The following GRIA2 variants were observed in gnomAD, a reference collection of about 807,000 sequenced individuals.
GRIA2 encodes glutamate receptor 2.
In GRIA2, 14 loss-of-function variants were observed where a neutral mutation model predicts 97.3. The observed-to-expected ratio is 0.14, with a 90% confidence interval of 0.10 to 0.23. The LOEUF is 0.23. GRIA2 is among the 10% of genes least tolerant of loss of function. The pLI is 1.00. For missense variants in GRIA2, 558 were observed against 1,069.8 expected, an observed-to-expected ratio of 0.52 and a Z score of 6.67; for synonymous variants, 412 against 387.8, an observed-to-expected ratio of 1.06 and a Z score of -0.73.
intron 2 of GRIA2, among the ~76,000 whole-genome samples, chr4:157,297,661 G>A (rs1277209459): frequency 6.6e-6 from 1 of 152,008 alleles, no homozygotes. Flanking sequence ...CTGTTTCTGA[G>A]GTCAGAGCCG....
chr4:157,345,771 G>A (rs1049683002), intron 12 of GRIA2, among the ~76,000 whole-genome samples: 1 of 152,082 alleles, frequency 6.6e-6, no homozygotes, highest in Non-Finnish European at 1.5e-5. Flanking sequence ...TCCTCTGGGA[G>A]GATGAAGGAC....
At chr4:157,327,668 T>C (rs1734865075) in intron 6 of GRIA2, among the ~76,000 whole-genome samples, 1 of 152,148 alleles carries the variant, frequency 6.6e-6, no homozygotes, top group Non-Finnish European at 1.5e-5. Flanking sequence ...TCAACTTTTG[T>C]GTCTTCAGTC....
In GRIA2 at chr4:157,321,500, G is replaced by C. The variant is rs1734563698; in HGVS notation, c.783G>C (p.Gln261His). The C allele has an allele frequency of 1.9e-6, 3 of 1,608,222 alleles. No homozygotes were observed. The highest frequency in any genetic ancestry group is 2.6e-6 in the Non-Finnish European group (3 of 1,174,742). The change falls in exon 6 of 16, where the codon CAG becomes CAC. Residue 261 changes from glutamine (Q) to histidine (H), a missense_variant. Around this residue, in one of 8 missense-constraint regions of GRIA2, gnomAD observed 173 missense variants for 209.1 expected, o/e 0.83. Transcript: ENST00000264426. Reference sequence around the variant, plus strand: ...GAGGTGCAAATGTCTCTGGATTTCAGATAGTGGACTATGATGATTCGTTGG... The same window carrying C: ...GAGGTGCAAATGTCTCTGGATTTCACATAGTGGACTATGATGATTCGTTGG... The part of the protein sequence containing the change: ...QFGGANVSGF[Q>H]IVDYDDSLVS...
chr4:157,312,826 G>C lies in GRIA2; in HGVS notation c.617G>C (p.Arg206Pro), dbSNP rs370161689. The stretch of plus-strand genomic sequence containing the variant: ...GATCTGGAGTTAAAAAAGGAACGGC[G>C]TGTAATTCTGGACTGTGAAAGGGAT... ...FQDLELKKER[R>P]VILDCERDKV... The change falls in exon 4 of 16, where the codon CGT (arginine) becomes CCT (proline). Residue 206 changes from arginine (R) to proline (P), a missense_variant. Arg to Pro is a moderately radical substitution (Grantham distance 103). Transcript: ENST00000264426. 6.2e-7 allele frequency: 1 copy of C among 1,611,792 alleles called. No homozygotes were observed. The highest frequency in any genetic ancestry group is 1.1e-5 in the South Asian group (1 of 90,908).
intron 15 of GRIA2, 38 bp downstream of exon 15, chr4:157,363,085 G>T (rs202170569): frequency 9.6e-6 from 15 of 1,566,328 alleles, no homozygotes; most frequent in Non-Finnish European, 1.3e-5. Flanking sequence ...TTTAGTGCAC[G>T]TTTAGCTTTC....
At chr4:157,362,730 T>G in intron 14 of GRIA2, 69 bp from the exon 15 acceptor site, 1 of 1,296,352 alleles carries the variant, frequency 7.7e-7, no homozygotes, top group Non-Finnish European at 1.1e-6. Flanking sequence ...TAATGCTATG[T>G]GACATTGCTG....
At chr4:157,228,411 T>C (rs757929797) in intron 2 of GRIA2, among the ~76,000 whole-genome samples, 11 of 152,168 alleles carry the variant, frequency 7.2e-5, no homozygotes, top group Non-Finnish European at 1.6e-4. Flanking sequence ...TAAAGCTATA[T>C]TGATGTATGT....
At chr4:157,326,350 G>A (rs1734802072) in intron 6 of GRIA2, among the ~76,000 whole-genome samples, 1 of 151,996 alleles carries the variant, frequency 6.6e-6, no homozygotes, top group Non-Finnish European at 1.5e-5. Flanking sequence ...TTAGTTTACT[G>A]TTCTTATCAT....
At chr4:157,314,650 A>G (rs2126889962) in intron 4 of GRIA2, among the ~76,000 whole-genome samples, 1 of 152,314 alleles carries the variant, frequency 6.6e-6, no homozygotes, top group Non-Finnish European at 1.5e-5. Context: ...TTAGTGAAAG[A>G]CTATATAAAA....
chr4:157,355,671 T>G (rs1174677355), intron 12 of GRIA2, among the ~76,000 whole-genome samples: 1 of 116,348 alleles, frequency 8.6e-6, no homozygotes, highest in Non-Finnish European at 1.7e-5. Context: ...TATTTATTTT[T>G]ATATATTTAT....
intron 12 of GRIA2, among the ~76,000 whole-genome samples, chr4:157,357,044 A>T (rs1382436261): frequency 6.6e-6 from 1 of 152,112 alleles, no homozygotes; most frequent in African/African-American, 2.4e-5. Context: ...TTACCTTTGG[A>T]ATGTTTTTCT....
chr4:157,237,083 C>A (rs571786129), intron 2 of GRIA2, among the ~76,000 whole-genome samples: 1 of 151,992 alleles, frequency 6.6e-6, no homozygotes, highest in East Asian at 1.9e-4. Flanking sequence ...ACATTTCCCA[C>A]CGTAGTTTAT....
At chr4:157,350,110 A>C (rs890443978) in intron 12 of GRIA2, among the ~76,000 whole-genome samples, 3 of 152,150 alleles carry the variant, frequency 2.0e-5, no homozygotes, top group Non-Finnish European at 4.4e-5. Flanking sequence ...GAAAGTTCTT[A>C]TAAGATCAAA....
intron 2 of GRIA2, among the ~76,000 whole-genome samples, chr4:157,259,549 A>G (rs1228074320): frequency 2.0e-5 from 3 of 152,268 alleles, no homozygotes; most frequent in African/African-American, 4.8e-5. Flanking sequence ...TTTAGGGTAC[A>G]TTCATCCTGT....
intron 2 of GRIA2, among the ~76,000 whole-genome samples, chr4:157,277,422 G>T (rs571382218): frequency 1.3e-5 from 2 of 151,954 alleles, no homozygotes; most frequent in South Asian, 4.1e-4. Flanking sequence ...TGTAGCTAAT[G>T]CCATACTTAT....
At chr4:157,255,645 A>T (rs1731208927) in intron 2 of GRIA2, among the ~76,000 whole-genome samples, 1 of 152,058 alleles carries the variant, frequency 6.6e-6, no homozygotes, top group Admixed American at 6.6e-5. Flanking sequence ...TAAACTAAAA[A>T]GCTTCTACAC....
intron 2 of GRIA2, among the ~76,000 whole-genome samples, chr4:157,231,001 A>T (rs1054403240): frequency 4.6e-5 from 7 of 151,964 alleles, no homozygotes; most frequent in East Asian, 1.9e-4. Flanking sequence ...CTACAGGTCC[A>T]TGCCATCACG....
chr4:157,306,186 T>C (rs1579349368), intron 3 of GRIA2, among the ~76,000 whole-genome samples: 1 of 152,228 alleles, frequency 6.6e-6, no homozygotes, highest in East Asian at 1.9e-4. Flanking sequence ...CCTTCATCCT[T>C]ACCCTCACCA....
At chr4:157,313,869 A>G (rs1371648059) in intron 4 of GRIA2, among the ~76,000 whole-genome samples, 5 of 152,160 alleles carry the variant, frequency 3.3e-5, no homozygotes, top group Admixed American at 6.6e-5. Context: ...GTCAATTAAC[A>G]CATACTTTGT....
Sources: allele counts gnomAD v4.1 joint callset (sites outside exome capture counted in the v4.1 genomes callset), GRCh38; gene constraint gnomAD v4.1.1; regional missense constraint gnomAD v4.1.1; transcripts MANE v1.5; gene names NCBI Gene and HGNC (gene_info 2026-07-23, HGNC 2026-07-21).